Variants in PRKX observed in about 807,000 individuals in gnomAD.
PRKX encodes protein kinase cAMP-dependent X-linked catalytic subunit.
A neutral mutation model predicts 22.0 loss-of-function variants in PRKX; 12 were observed. The ratio of observed to expected loss-of-function variants is 0.54; its 90% CI spans 0.35 to 0.88. The LOEUF is 0.88. Among genes scored for constraint, PRKX ranks in the 40% least tolerant of loss-of-function variants. The probability of loss-of-function intolerance (pLI) is 0.01; values close to 1 mark genes in which losing one functional copy is unlikely to be tolerated. For synonymous variants in PRKX, 134 were observed against 137.7 expected (o/e 0.97, Z 0.19); for missense variants, 217 against 308.0 (o/e 0.70, Z 2.21).
intron 4 of PRKX, among the ~76,000 whole-genome samples, chrX:3,638,201 C>T (rs1926934791): frequency 9.0e-6 from 1 of 111,223 alleles, no homozygotes; most frequent in African/African-American, 3.3e-5. Context: ...AATTCGAATA[C>T]AGTCATTCTA....
intron 1 of PRKX, among the ~76,000 whole-genome samples, chrX:3,711,614 T>C (rs1928790959): frequency 9.0e-6 from 1 of 111,202 alleles, no homozygotes; most frequent in Admixed American, 9.6e-5. Flanking sequence ...CATTGTCGAG[T>C]TGTATTTCCA....
intron 7 of PRKX, among the ~76,000 whole-genome samples, chrX:3,612,888 C>T (rs1205311680): frequency 9.1e-6 from 1 of 110,164 alleles, no homozygotes; most frequent in African/African-American, 3.3e-5. Flanking sequence ...CGCAGTGGCT[C>T]ATGCCTGTAA....
chrX:3,706,375 G>A (rs1261644911), intron 1 of PRKX, among the ~76,000 whole-genome samples: 1 of 110,668 alleles, frequency 9.0e-6, no homozygotes, highest in African/African-American at 3.3e-5. Context: ...TTTTTGTAGC[G>A]ATGGGGTAGT....
chrX:3,709,183 CAAA>C (rs35004174), intron 1 of PRKX, among the ~76,000 whole-genome samples: 4 of 47,624 alleles, frequency 8.4e-5, no homozygotes, highest in Admixed American at 2.7e-4. Flanking sequence ...GACCCTGTCT[CAAA>C]AAAAAAAAAA....
intron 3 of PRKX, among the ~76,000 whole-genome samples, chrX:3,648,600 C>T (rs1927237585): frequency 1.3e-5 from 1 of 76,538 alleles, no homozygotes; most frequent in South Asian, 5.9e-4. Flanking sequence ...ATTACTCTCT[C>T]TACTCCTGTG....
At chrX:3,663,890 G>A (rs1441623342) in intron 2 of PRKX, among the ~76,000 whole-genome samples, 4 of 111,375 alleles carry the variant, frequency 3.6e-5, no homozygotes, top group African/African-American at 1.3e-4. Flanking sequence ...TAGCTTGGCA[G>A]GCTGAAGGGG....
intron 1 of PRKX, among the ~76,000 whole-genome samples, chrX:3,676,283 T>C (rs1312840815): frequency 8.9e-6 from 1 of 112,030 alleles, no homozygotes; most frequent in South Asian, 3.7e-4. Flanking sequence ...TTTGGAAGTG[T>C]ATCCTTCTGA....
intron 1 of PRKX, among the ~76,000 whole-genome samples, chrX:3,683,273 C>T (rs187853450): frequency 1.2e-3 from 133 of 111,991 alleles, no homozygotes; most frequent in African/African-American, 3.8e-3. Flanking sequence ...AGCAATGCTG[C>T]GAGCTCACAG....
rs760444050 is a variant in PRKX at position 3,621,454 on chromosome X, C to G, written c.816-138G>C. The G allele has an allele frequency of 2.0e-5, 11 of 539,857 alleles. No individual in the cohort carries two copies. In the East Asian group the frequency reaches 4.1e-4, roughly 20 times the overall value. 44.5% of individuals were successfully genotyped at this position (539,857 alleles called of 1,213,427 possible). A position where few individuals can be genotyped will look rare whatever the true frequency, so the allele number is the denominator to read the frequency against. On this transcript the variant is annotated intron_variant, in intron 5 of 8. Transcript: ENST00000262848. ...AATTTCCACTTTGGCAAAACACTTT[C>G]TAGTGCTTATTTCCTACCATCACCG... is the stretch of plus-strand genomic sequence containing the variant.
intron 7 of PRKX, among the ~76,000 whole-genome samples, chrX:3,615,116 T>G (rs1232689702): frequency 3.0e-5 from 3 of 101,513 alleles, no homozygotes; most frequent in African/African-American, 7.3e-5. Context: ...CCTCCTGGTA[T>G]CAAGCAATTC....
chrX:3,702,014 C>T (rs1928587222), intron 1 of PRKX, among the ~76,000 whole-genome samples: 1 of 112,259 alleles, frequency 8.9e-6, no homozygotes, highest in Non-Finnish European at 1.9e-5. Flanking sequence ...TTTTATTCCT[C>T]TACTTTCTCA....
At chrX:3,630,712 A>G (rs997910016) in intron 4 of PRKX, among the ~76,000 whole-genome samples, 15 of 111,459 alleles carry the variant, frequency 1.3e-4, no homozygotes, top group Non-Finnish European at 3.8e-5. Context: ...CAAAGGGGGA[A>G]GTACTACACT....
intron 1 of PRKX, among the ~76,000 whole-genome samples, chrX:3,688,820 G>C (rs1928236290): frequency 9.3e-6 from 1 of 107,715 alleles, no homozygotes; most frequent in African/African-American, 3.4e-5. Context: ...AGTGAATTAT[G>C]ATAGTACCAC....
chrX:3,676,836 C>A lies in PRKX; in HGVS notation c.167-2070G>T, dbSNP rs141299473. ...TCCTCCTGATAGTGAATAAGTCTCA[C>A]GAGATCAGATGTTTTAATAAATGGG... On this transcript the variant is annotated intron_variant, in intron 1 of 8. Transcript: ENST00000262848. Among the ~76,000 whole-genome samples, 628 of 111,140 alleles carry A rather than the reference C, an allele frequency of 5.7e-3. 5 individuals carry two copies. Among genetic ancestry groups the A allele is most frequent in the Middle Eastern group, 0.028 (6 of 216 alleles).
At chrX:3,623,453 G>T (rs959723399) in intron 5 of PRKX, among the ~76,000 whole-genome samples, 4 of 110,743 alleles carry the variant, frequency 3.6e-5, no homozygotes, top group African/African-American at 1.3e-4. Flanking sequence ...TTACTCGGGA[G>T]GCTGAGGTGG....
chrX:3,635,784 T>TC (rs1267161273), intron 4 of PRKX, among the ~76,000 whole-genome samples: 1 of 111,096 alleles, frequency 9.0e-6, no homozygotes, highest in Non-Finnish European at 1.9e-5. Flanking sequence ...AGAGATGGGG[T>TC]CCCACTATGT....
chrX:3,672,753 G>A (rs755110479), intron 2 of PRKX, among the ~76,000 whole-genome samples: 3 of 111,138 alleles, frequency 2.7e-5, no homozygotes, highest in Non-Finnish European at 3.8e-5. Flanking sequence ...TGCAGGGGCT[G>A]ACACCTGCAA....
chrX:3,627,376 C>G (rs1395553551), intron 4 of PRKX, among the ~76,000 whole-genome samples: 1 of 95,027 alleles, frequency 1.1e-5, no homozygotes, highest in African/African-American at 4.1e-5. Context: ...GAGTGAAACT[C>G]TGTCTCAAAA....
chrX:3,682,192 C>T (rs927457311), intron 1 of PRKX, among the ~76,000 whole-genome samples: 4 of 110,380 alleles, frequency 3.6e-5, no homozygotes, highest in African/African-American at 9.9e-5. Context: ...AGTAGATTCA[C>T]GGATGATCTC....
Sources: gnomAD v4.1 joint callset for allele counts (sites outside exome capture counted in the v4.1 genomes callset) on GRCh38, gnomAD v4.1.1 for gene constraint, MANE v1.5 for transcripts, NCBI Gene and HGNC (gene_info 2026-07-23, HGNC 2026-07-21) for gene names.